Variants in SETBP1 observed in about 807,000 individuals in gnomAD.
SETBP1 encodes the protein SET binding protein 1.
A neutral mutation model predicts 101.0 loss-of-function variants in SETBP1; 9 were observed. The ratio of observed to expected loss-of-function variants is 0.09; its 90% CI spans 0.05 to 0.16. The LOEUF is 0.16. SETBP1 is among the 10% of genes least tolerant of loss of function. The pLI, the probability that SETBP1 is intolerant of heterozygous loss-of-function variation, is 1.00. For missense variants in SETBP1, 1,858 were observed against 2,033.8 expected (o/e 0.91, Z 1.66); for synonymous variants, 818 against 788.5 (o/e 1.04, Z -0.63).
intron 2 of SETBP1, among the ~76,000 whole-genome samples, chr18:44,765,501 G>A (rs1480059565): frequency 6.6e-6 from 1 of 152,232 alleles, no homozygotes; most frequent in East Asian, 1.9e-4. Context: ...GTTTTAATGT[G>A]ATAAATGGCC....
intron 2 of SETBP1, among the ~76,000 whole-genome samples, chr18:44,835,678 T>C (rs2072480968): frequency 2.6e-5 from 4 of 152,196 alleles, no homozygotes; most frequent in Admixed American, 2.6e-4. Context: ...TTCTTTCCCA[T>C]AGGAAGATGC....
chr18:44,687,792 G>A (rs1164361134), intron 1 of SETBP1, among the ~76,000 whole-genome samples: 1 of 151,922 alleles, frequency 6.6e-6, no homozygotes, highest in Non-Finnish European at 1.5e-5. Flanking sequence ...CTAGTGGGCT[G>A]GATGTCATTT....
At chr18:44,960,641 G>C (rs1167174710) in intron 4 of SETBP1, among the ~76,000 whole-genome samples, 4 of 152,086 alleles carry the variant, frequency 2.6e-5, no homozygotes, top group Non-Finnish European at 5.9e-5. Context: ...AGTGTGCCTG[G>C]CCAGAAGCTA....
chr18:44,879,610 A>G (rs534161332), intron 3 of SETBP1, among the ~76,000 whole-genome samples: 120 of 152,322 alleles, frequency 7.9e-4, no homozygotes, highest in African/African-American at 2.7e-3. Flanking sequence ...CAAACAAACA[A>G]ACAAAATAAA....
At chr18:44,721,571 T>C (rs1213645602) in intron 2 of SETBP1, among the ~76,000 whole-genome samples, 1 of 141,324 alleles carries the variant, frequency 7.1e-6, no homozygotes, top group African/African-American at 2.6e-5. Context: ...AATCTCTTCT[T>C]TTCTACCCCT....
intron 4 of SETBP1, among the ~76,000 whole-genome samples, chr18:44,953,850 T>C (rs562630481): frequency 1.8e-4 from 27 of 152,344 alleles, no homozygotes; most frequent in South Asian, 4.1e-4. Context: ...TCCTGAAGTC[T>C]AACTCATCAG....
chr18:45,033,052 A>G (rs2073329267), intron 4 of SETBP1, among the ~76,000 whole-genome samples: 1 of 152,196 alleles, frequency 6.6e-6, no homozygotes, highest in South Asian at 2.1e-4. Flanking sequence ...ACGGGTATCT[A>G]TTACTTGATT....
intron 2 of SETBP1, among the ~76,000 whole-genome samples, chr18:44,741,350 G>A (rs954599085): frequency 2.0e-5 from 3 of 152,178 alleles, no homozygotes; most frequent in Admixed American, 2.0e-4. Flanking sequence ...TTGCCTGGGG[G>A]TGGGGATGGG....
At chr18:44,747,060 G>A (rs2070271296) in intron 2 of SETBP1, among the ~76,000 whole-genome samples, 1 of 152,216 alleles carries the variant, frequency 6.6e-6, no homozygotes, top group South Asian at 2.1e-4. Flanking sequence ...CTTGGCTGCT[G>A]TTTAATGCTG....
intron 3 of SETBP1, among the ~76,000 whole-genome samples, chr18:44,896,033 A>T (rs2069895073): frequency 6.6e-6 from 1 of 152,164 alleles, no homozygotes; most frequent in Admixed American, 6.5e-5. Flanking sequence ...AAAATGTTGG[A>T]GAGGAATCTA....
chr18:44,838,852 C>T (rs1346978402), intron 2 of SETBP1, among the ~76,000 whole-genome samples: 1 of 152,126 alleles, frequency 6.6e-6, no homozygotes, highest in Non-Finnish European at 1.5e-5. Context: ...CACACTACAC[C>T]TTAATAACGT....
At chr18:44,737,407 C>T (rs1053920178) in intron 2 of SETBP1, among the ~76,000 whole-genome samples, 2 of 152,176 alleles carry the variant, frequency 1.3e-5, no homozygotes, top group Non-Finnish European at 2.9e-5. Flanking sequence ...TGTATAGACT[C>T]ATAGGCTGGC....
At chr18:44,735,922 T>A (rs2069956222) in intron 2 of SETBP1, among the ~76,000 whole-genome samples, 2 of 152,208 alleles carry the variant, frequency 1.3e-5, no homozygotes, top group South Asian at 4.1e-4. Flanking sequence ...GAGGAACATA[T>A]ACTGCTATCT....
chr18:44,945,283 GA>G (rs2071179456), intron 3 of SETBP1, among the ~76,000 whole-genome samples: 1 of 151,940 alleles, frequency 6.6e-6, no homozygotes, highest in Non-Finnish European at 1.5e-5. Context: ...AAATTTACAA[GA>G]AAAAAACAAC....
In SETBP1 at chr18:44,997,539, T is replaced by C. The variant is rs1171313266; in HGVS notation, c.4001-40946T>C. On this transcript the variant is annotated intron_variant, in intron 4 of 5. Transcript: ENST00000649279. ...AGAGGTCACTATACAATGGAGCAAT[T>C]CTTGAGATCTAAAGATCGAGGTTTT... Among the ~76,000 whole-genome samples the C allele has an allele frequency of 2.0e-5, 3 of 152,164 alleles. No homozygotes were observed. The East Asian group carries it at 5.8e-4, about 29-fold the overall frequency.
chr18:44,914,679 G>C (rs2070387245), intron 3 of SETBP1, among the ~76,000 whole-genome samples: 1 of 152,170 alleles, frequency 6.6e-6, no homozygotes, highest in Non-Finnish European at 1.5e-5. Flanking sequence ...CCTTTAGACT[G>C]AGGTGAGATT....
At chr18:44,763,785 C>T (rs79852977) in intron 2 of SETBP1, among the ~76,000 whole-genome samples, 6,167 of 152,226 alleles carry the variant, frequency 0.041, 164 homozygotes, top group South Asian at 0.11. Context: ...TTTCCCTTGG[C>T]TTCTGGGACA....
chr18:44,762,992 T>C (rs760814507), intron 2 of SETBP1, among the ~76,000 whole-genome samples: 3 of 152,196 alleles, frequency 2.0e-5, no homozygotes, highest in Admixed American at 6.5e-5. Context: ...CCAAAAGATA[T>C]CATTAGCAGG....
Position 44,944,546 on chromosome 18 carries a change from A to T in SETBP1, c.541-5335A>T, listed in dbSNP as rs532266642. Among the ~76,000 whole-genome samples the T allele has an allele frequency of 3.3e-5, 5 of 152,312 alleles. No individual in the cohort carries two copies. The East Asian group carries it at 9.7e-4, about 29-fold the overall frequency. On this transcript the variant is annotated intron_variant, in intron 3 of 5. Transcript: ENST00000649279. The stretch of plus-strand genomic sequence containing the variant: ...GGCCCCAGTATCTGTATTTGTAACT[A>T]GCACCTTCAGTGATTCTGATACGGT...
Sources: gnomAD v4.1 joint callset for allele counts (sites outside exome capture counted in the v4.1 genomes callset) on GRCh38, gnomAD v4.1.1 for gene constraint, MANE v1.5 for transcripts, NCBI Gene and HGNC (gene_info 2026-07-23, HGNC 2026-07-21) for gene names.